ANKRD36: variants seen among roughly 807,000 people sequenced by gnomAD.
ANKRD36 encodes the protein ankyrin repeat domain 36, also known as ankyrin repeat domain-containing protein 36A.
ANKRD36 carries 179 observed loss-of-function variants against 278.1 expected under a neutral mutation model. The ratio of observed to expected loss-of-function variants is 0.64; its 90% CI spans 0.57 to 0.73. ANKRD36 has a LOEUF of 0.73. ANKRD36 is among the 30% of genes least tolerant of loss of function. The pLI is 0.00. For missense variants in ANKRD36, 1,159 were observed against 1,956.7 expected (o/e 0.59, Z 7.69); for synonymous variants, 320 against 641.1 (o/e 0.50, Z 7.57).
At chr2:97,142,937 AT>A in intron 8 of ANKRD36, 102 bp downstream of exon 8, 1 of 1,382,798 alleles carries the variant, frequency 7.2e-7, no homozygotes, top group Non-Finnish European at 9.7e-7. Flanking sequence ...GCACATTCTG[AT>A]TCAGCAGGCC....
intron 48 of ANKRD36, among the ~76,000 whole-genome samples, chr2:97,202,767 A>G (rs533428107): frequency 6.6e-6 from 1 of 151,800 alleles, no homozygotes; most frequent in Non-Finnish European, 1.5e-5. Flanking sequence ...AAACAGACAG[A>G]AAACTTCTTG....
At chr2:97,180,552 C>G (rs543058273) in intron 24 of ANKRD36, among the ~76,000 whole-genome samples, 19 of 151,798 alleles carry the variant, frequency 1.3e-4, no homozygotes, top group East Asian at 3.9e-4. Flanking sequence ...AAGCAGGAAA[C>G]AGTGCTAGAA....
chr2:97,241,014 T>TTTTTTTTTG (rs2074282241), intron 68 of ANKRD36, among the ~76,000 whole-genome samples: 1 of 84,374 alleles, frequency 1.2e-5, no homozygotes, highest in Non-Finnish European at 2.0e-5. Flanking sequence ...TTTTTTTTTT[T>TTTTTTTTTG]TTTTACAGGA....
At chr2:97,209,227 C>A (rs1242915438) in intron 54 of ANKRD36, among the ~76,000 whole-genome samples, 3 of 146,504 alleles carry the variant, frequency 2.0e-5, no homozygotes, top group Non-Finnish European at 4.5e-5. Context: ...TAATTGTGTG[C>A]CTTCTCATTT....
rs1419835423 is a variant in ANKRD36, at chr2:97,260,883, C to G, written c.*7-3446C>G. Reference sequence around the variant, plus strand: ...CTTGCACTTTTATGTTATGAAGATTCTTTTCTTAAACCTCATGAACCAACC... The same window carrying G: ...CTTGCACTTTTATGTTATGAAGATTGTTTTCTTAAACCTCATGAACCAACC... On this transcript the variant is annotated intron_variant, in intron 75 of 75. Transcript: ENST00000420699. Among the ~76,000 whole-genome samples, 58 of 118,964 alleles carry G rather than the reference C, an allele frequency of 4.9e-4. 3 individuals carry two copies. The highest frequency in any genetic ancestry group is 2.2e-3 in the African/African-American group (56 of 25,378). The allele number at this position is 118,964 out of a possible 152,430, so 78.0% of individuals were successfully genotyped here.
Position 97,192,851 on chromosome 2 carries a change from T to G in ANKRD36, c.2348-7T>G, listed in dbSNP as rs556996785. 8.7e-6 allele frequency: 14 copies of G among 1,602,714 alleles called. No homozygotes were observed. In the African/African-American group the frequency reaches 1.9e-4, roughly 21 times the overall value. On this transcript the variant is annotated splice_region_variant and splice_polypyrimidine_tract_variant and intron_variant, in intron 36 of 75. Coordinates refer to ENST00000420699, the MANE Select transcript of ANKRD36 (RefSeq NM_001354587.1). Reference sequence around the variant, plus strand: ...ATGAGTGATTATGTATCCCTTTTGCTTTTCAGTGTCTTCTCAGAAACCACC... The same window carrying G: ...ATGAGTGATTATGTATCCCTTTTGCGTTTCAGTGTCTTCTCAGAAACCACC...
chr2:97,221,569 A>G (rs2067686542), intron 66 of ANKRD36, among the ~76,000 whole-genome samples: 1 of 138,764 alleles, frequency 7.2e-6, no homozygotes, highest in Non-Finnish European at 1.5e-5. Flanking sequence ...GGCTGCATAA[A>G]TGTCTTCTTT....
At chr2:97,217,835 A>AG (rs1314134190) in intron 64 of ANKRD36, among the ~76,000 whole-genome samples, 2 of 151,582 alleles carry the variant, frequency 1.3e-5, no homozygotes, top group Non-Finnish European at 2.9e-5. Context: ...ATTTTCATCA[A>AG]GAAAGAGGGA....
At chr2:97,176,509 CT>C in intron 22 of ANKRD36, among the ~76,000 whole-genome samples, 1 of 147,444 alleles carries the variant, frequency 6.8e-6, no homozygotes, top group East Asian at 2.0e-4. Context: ...TATTTTGAGT[CT>C]ATGTGTGTCT....
chr2:97,231,402 A>G (rs534674936), intron 67 of ANKRD36, among the ~76,000 whole-genome samples: 201 of 152,234 alleles, frequency 1.3e-3, no homozygotes, highest in African/African-American at 4.5e-3. Context: ...TGTGCTAGCA[A>G]TCAGTTAGAC....
intron 52 of ANKRD36, 45 bp downstream of exon 52, chr2:97,206,180 T>C (rs1429349209): frequency 6.7e-7 from 1 of 1,484,168 alleles, no homozygotes; most frequent in Non-Finnish European, 9.0e-7. Flanking sequence ...TCGAGATAGA[T>C]AAGAAGTTCT....
At chr2:97,187,639 T>A (rs537662112) in intron 32 of ANKRD36, among the ~76,000 whole-genome samples, 2 of 151,828 alleles carry the variant, frequency 1.3e-5, no homozygotes, top group Admixed American at 6.6e-5. Context: ...GGGAAGAAGA[T>A]ATATGGAGAG....
intron 22 of ANKRD36, among the ~76,000 whole-genome samples, chr2:97,177,447 C>A (rs932310852): frequency 2.8e-4 from 43 of 151,874 alleles, no homozygotes; most frequent in Non-Finnish European, 1.9e-4. Context: ...GCTACAGTAA[C>A]CAAAACAGCA....
rs775041808 is a variant in ANKRD36, at chr2:97,198,461, A to G, written c.2654-2A>G. 1 of 1,578,964 alleles carries G rather than the reference A, an allele frequency of 6.3e-7. No homozygotes were observed. Among genetic ancestry groups the G allele is most frequent in the Non-Finnish European group, 8.6e-7 (1 of 1,164,666 alleles). ...TGATTATGAATCCCTTTTACTTTTC[A>G]GTGTCTTCTGAGAAACCACCAGGCT... On this transcript the variant is annotated splice_acceptor_variant, in intron 42 of 75. Coordinates refer to ENST00000420699, the MANE Select transcript of ANKRD36 (RefSeq NM_001354587.1). LOFTEE classifies it high-confidence loss of function.
chr2:97,220,798 C>CT (rs1387830879), intron 66 of ANKRD36, among the ~76,000 whole-genome samples: 1 of 89,352 alleles, frequency 1.1e-5, no homozygotes, highest in Admixed American at 1.5e-4. Context: ...TTATTATACT[C>CT]TAAGTTTTAG....
At position 97,196,721 on chromosome 2, in the gene ANKRD36, A is replaced by G; in HGVS notation, c.2586A>G (p.Thr862=). 2 of 1,562,872 alleles carry G rather than the reference A, an allele frequency of 1.3e-6. No individual in the cohort carries two copies. Among genetic ancestry groups the G allele is most frequent in the East Asian group, 2.4e-5 (1 of 41,474 alleles). The change falls in exon 42 of 76, where the codon ACA becomes ACG. Residue 862 remains threonine (T), a synonymous_variant. Coordinates refer to ENST00000420699, the MANE Select transcript of ANKRD36 (RefSeq NM_001354587.1). The part of the protein sequence containing the change: ...SSQKPPTLKG[T]SDEEDSVLGI... The stretch of plus-strand genomic sequence containing the variant: ...TCGTTTCAAATTCCATTCAGGGTAC[A>G]AGTGACGAGGAAGATTCTGTTTTGG...
intron 67 of ANKRD36, among the ~76,000 whole-genome samples, chr2:97,228,757 T>C (rs925135967): frequency 1.3e-5 from 2 of 151,778 alleles, no homozygotes; most frequent in African/African-American, 2.4e-5. Context: ...CTTTCCTGCT[T>C]TCTCTTGTGG....
chr2:97,115,941 G>A (rs1298734183), intron 1 of ANKRD36, among the ~76,000 whole-genome samples: 2 of 150,754 alleles, frequency 1.3e-5, no homozygotes, highest in African/African-American at 2.4e-5. Flanking sequence ...TCCATAGGAT[G>A]GGACAATATG....
chr2:97,192,740 A>G (rs1370481989), intron 36 of ANKRD36, 118 bp from the exon 37 acceptor site: 2 of 1,377,824 alleles, frequency 1.5e-6, no homozygotes, highest in Non-Finnish European at 2.0e-6. Flanking sequence ...AGTAGAAGCC[A>G]TCAAAGCCTA....
Sources: allele counts gnomAD v4.1 joint callset (sites outside exome capture counted in the v4.1 genomes callset), GRCh38; gene constraint gnomAD v4.1.1; transcripts MANE v1.5; gene names NCBI Gene and HGNC (gene_info 2026-07-23, HGNC 2026-07-21).